The following VAT1L variants were observed in gnomAD, a reference collection of about 807,000 sequenced individuals.
VAT1L encodes vesicle amine transport 1 like, also known as putative NADPH-dependent quinone oxidoreductase VAT1L.
A neutral mutation model predicts 44.1 loss-of-function variants in VAT1L; 34 were observed. The ratio of observed to expected loss-of-function variants is 0.77; its 90% CI spans 0.59 to 1.03. The LOEUF is 1.03. Among genes scored for constraint, VAT1L ranks in the 50% least tolerant of loss-of-function variants. The probability of loss-of-function intolerance (pLI) is 0.00; values close to 1 mark genes in which losing one functional copy is unlikely to be tolerated. For synonymous variants in VAT1L, 253 were observed against 202.2 expected (o/e 1.25, Z -2.13); for missense variants, 615 against 538.8 (o/e 1.14, Z -1.40).
intron 7 of VAT1L, among the ~76,000 whole-genome samples, chr16:77,936,099 A>C (rs1354490312): frequency 1.3e-5 from 2 of 152,134 alleles, no homozygotes; most frequent in South Asian, 2.1e-4. Flanking sequence ...TTGTGGGGAG[A>C]CTATCGCACC....
intron 3 of VAT1L, among the ~76,000 whole-genome samples, chr16:77,858,049 A>C (rs2016879075): frequency 6.6e-6 from 1 of 152,168 alleles, no homozygotes. Context: ...AAGTTTTACC[A>C]GACATTTACT....
chr16:77,968,268 C>T (rs1409214758), intron 7 of VAT1L, among the ~76,000 whole-genome samples: 1 of 152,030 alleles, frequency 6.6e-6, no homozygotes, highest in Non-Finnish European at 1.5e-5. Flanking sequence ...GCTCTTGGGT[C>T]TCACACAAGA....
intron 2 of VAT1L, among the ~76,000 whole-genome samples, chr16:77,823,412 G>C (rs67501964): frequency 0.079 from 11,952 of 152,208 alleles, 645 homozygotes; most frequent in East Asian, 0.23. Flanking sequence ...TAATTTGAAA[G>C]CATGAGCTGT....
At chr16:77,789,566 A>C (rs2015794924) in intron 1 of VAT1L, among the ~76,000 whole-genome samples, 1 of 152,118 alleles carries the variant, frequency 6.6e-6, no homozygotes, top group South Asian at 2.1e-4. Context: ...CCTTCCCCGT[A>C]GCCTGACGGG....
At chr16:77,926,321 A>T (rs1020882783) in intron 7 of VAT1L, among the ~76,000 whole-genome samples, 4 of 151,474 alleles carry the variant, frequency 2.6e-5, no homozygotes, top group Non-Finnish European at 5.9e-5. Flanking sequence ...GGTGGTGCAC[A>T]CCTGTAATCC....
intron 1 of VAT1L, among the ~76,000 whole-genome samples, chr16:77,813,311 A>C (rs1052428506): frequency 2.6e-5 from 4 of 152,204 alleles, no homozygotes; most frequent in African/African-American, 7.2e-5. Context: ...AAGAAAAAAA[A>C]GTAGAGTCAA....
chr16:77,910,745 T>G (rs572563319), intron 7 of VAT1L, among the ~76,000 whole-genome samples: 17 of 150,342 alleles, frequency 1.1e-4, no homozygotes, highest in Non-Finnish European at 2.4e-4. Context: ...TTTAAAAGAC[T>G]CTGAGAAGCC....
chr16:77,956,625 G>T (rs1260731329), intron 7 of VAT1L, among the ~76,000 whole-genome samples: 1 of 152,114 alleles, frequency 6.6e-6, no homozygotes, highest in African/African-American at 2.4e-5. Flanking sequence ...TGGGCATCTG[G>T]TGACTCTCAT....
intron 4 of VAT1L, among the ~76,000 whole-genome samples, chr16:77,875,455 A>C (rs1197285735): frequency 1.3e-5 from 2 of 152,166 alleles, no homozygotes; most frequent in Non-Finnish European, 2.9e-5. Flanking sequence ...TCTTGTCTGA[A>C]CAGAGCAGGG....
intron 4 of VAT1L, among the ~76,000 whole-genome samples, chr16:77,864,789 T>G (rs1432816050): frequency 2.0e-5 from 3 of 152,098 alleles, no homozygotes; most frequent in East Asian, 1.9e-4. Context: ...CAATTTTGAA[T>G]GCAGAGCATT....
intron 2 of VAT1L, 142 bp from the exon 3 acceptor site, chr16:77,825,104 T>C: frequency 1.3e-6 from 1 of 798,320 alleles, no homozygotes; most frequent in South Asian, 1.6e-5. Flanking sequence ...TGATCTTGAT[T>C]GATTCACCCA....
intron 7 of VAT1L, among the ~76,000 whole-genome samples, chr16:77,930,950 A>C (rs140858703): frequency 6.6e-6 from 1 of 152,320 alleles, no homozygotes; most frequent in Non-Finnish European, 1.5e-5. Context: ...GCGCTGTACT[A>C]AGAATCTTAA....
intron 1 of VAT1L, among the ~76,000 whole-genome samples, chr16:77,798,794 C>A (rs768585478): frequency 3.9e-5 from 6 of 152,148 alleles, no homozygotes; most frequent in Non-Finnish European, 7.3e-5. Flanking sequence ...GGAAATGGAA[C>A]CAAAATACAC....
chr16:77,820,562 C>T (rs1297435269), intron 2 of VAT1L, among the ~76,000 whole-genome samples: 1 of 152,116 alleles, frequency 6.6e-6, no homozygotes, highest in Admixed American at 6.5e-5. Context: ...AGGATAGCCT[C>T]CTCTTAGTAA....
chr16:77,947,651 G>C (rs7200530), intron 7 of VAT1L, among the ~76,000 whole-genome samples: 20,094 of 152,162 alleles, frequency 0.13, 1,401 homozygotes, highest in Middle Eastern at 0.21. Flanking sequence ...ACACCCAATA[G>C]CACTGTCACT....
intron 7 of VAT1L, among the ~76,000 whole-genome samples, chr16:77,902,723 A>G (rs1206516603): frequency 3.4e-3 from 2 of 580 alleles, no homozygotes; most frequent in Non-Finnish European, 0.011. Flanking sequence ...TGGGAGGCCG[A>G]TGGGGGGGTG....
intron 1 of VAT1L, among the ~76,000 whole-genome samples, chr16:77,808,545 T>C (rs182333580): frequency 6.6e-6 from 1 of 152,266 alleles, no homozygotes; most frequent in East Asian, 1.9e-4. Flanking sequence ...TTGGGACCGT[T>C]GCTCTAGAAG....
chr16:77,833,064 G>C (rs2016597772), intron 3 of VAT1L, among the ~76,000 whole-genome samples: 1 of 152,172 alleles, frequency 6.6e-6, no homozygotes, highest in Non-Finnish European at 1.5e-5. Context: ...ATCATGGTTT[G>C]CTCTTCTTCA....
intron 7 of VAT1L, among the ~76,000 whole-genome samples, chr16:77,954,260 G>T (rs1351062426): frequency 6.6e-6 from 1 of 152,186 alleles, no homozygotes; most frequent in Non-Finnish European, 1.5e-5. Flanking sequence ...TGTAGTCACG[G>T]CTATCTGCTG....
Sources: allele counts gnomAD v4.1 joint callset (sites outside exome capture counted in the v4.1 genomes callset), GRCh38; gene constraint gnomAD v4.1.1; transcripts MANE v1.5; gene names NCBI Gene and HGNC (gene_info 2026-07-23, HGNC 2026-07-21).